PPP1R13B: variants seen among roughly 807,000 people sequenced by gnomAD.
The protein encoded by PPP1R13B is protein phosphatase 1 regulatory subunit 13B, also known as apoptosis-stimulating of p53 protein 1.
PPP1R13B carries 44 observed loss-of-function variants against 119.8 expected under a neutral mutation model. That is an observed-to-expected ratio of 0.37 (90% CI 0.29 to 0.47). PPP1R13B has a LOEUF of 0.47. Ranked by LOEUF, PPP1R13B falls within the 20% of genes least tolerant of loss-of-function variation. The probability of loss-of-function intolerance (pLI) is 0.99; values close to 1 mark genes in which losing one functional copy is unlikely to be tolerated. For synonymous variants in PPP1R13B, 542 were observed against 561.5 expected (o/e 0.97, Z 0.49); for missense variants, 1,227 against 1,413.5 (o/e 0.87, Z 2.12).
In PPP1R13B at chr14:103,741,843, G is replaced by C; in HGVS notation, c.1769C>G (p.Pro590Arg). 1.2e-6 allele frequency: 2 copies of C among 1,614,230 alleles called. No homozygotes were observed. Among genetic ancestry groups the C allele is most frequent in the South Asian group, 2.2e-5 (2 of 91,082 alleles). The change falls in exon 11 of 17, where the codon CCT becomes CGT. Residue 590 changes from proline to arginine, a missense_variant. By Grantham distance (103) the Pro-to-Arg change is moderately radical. Transcript: ENST00000202556. ...GTGTGCTGCCGGCTGGTAATTCTTA[G>C]GTGGTGTGGCTTGCTGGAGGTACAT... ...YSMYLQQATP[P>R]KNYQPAAHSA...
chr14:103,738,505 G>T lies in PPP1R13B; in HGVS notation c.2864+174C>A. The T allele has an allele frequency of 1.0e-6, 1 of 982,106 alleles. No individual in the cohort carries two copies. The highest frequency in any genetic ancestry group is 1.5e-6 in the Non-Finnish European group (1 of 676,872). The allele number at this position is 982,106 out of a possible 1,614,324, so 60.8% of individuals were successfully genotyped here. On this transcript the variant is annotated intron_variant, in intron 14 of 16. Transcript: ENST00000202556. The surrounding 1 kb of genome is among the most constrained non-coding windows in gnomAD (Gnocchi z 5.6). Reference sequence around the variant, plus strand: ...TTTAACAAAATCATCAAGAGAAAAGGCTGGAAAAAAAGGCAAGGAAACCCT... The same window carrying T: ...TTTAACAAAATCATCAAGAGAAAAGTCTGGAAAAAAAGGCAAGGAAACCCT...
In PPP1R13B at chr14:103,741,975, T is replaced by C; in HGVS notation, c.1637A>G (p.Glu546Gly). 3.1e-6 allele frequency: 5 copies of C among 1,614,268 alleles called. No homozygotes were observed. In the South Asian group the frequency reaches 5.5e-5, roughly 18 times the overall value. Residue 546 changes from glutamate (E) to glycine (G), a missense_variant, in exon 11 of 17, where the codon GAA (glutamate) becomes GGA (glycine). Physicochemically the swap from Glu to Gly is moderately conservative, Grantham distance 98 (BLOSUM62 -2). Coordinates refer to ENST00000202556, the MANE Select transcript of PPP1R13B (RefSeq NM_015316.3). ...CCTAATGGCCACTGTCAGTGGGAGTTCAGGCTTGCTGTCCCCAGCTGGAAA... is the reference window on the plus strand; with the variant it reads ...CCTAATGGCCACTGTCAGTGGGAGTCCAGGCTTGCTGTCCCCAGCTGGAAA... ...PAFPAGDSKP[E>G]LPLTVAIRPF...
At chr14:103,809,681 G>T (rs1182842473) in intron 1 of PPP1R13B, among the ~76,000 whole-genome samples, 1 of 151,844 alleles carries the variant, frequency 6.6e-6, no homozygotes, top group African/African-American at 2.4e-5. Flanking sequence ...AATTAGCCAG[G>T]CATGGTAGTA....
In PPP1R13B at chr14:103,740,550, C is replaced by G; in HGVS notation, c.1866G>C (p.Ser622=). 1 of 1,558,594 alleles carries G rather than the reference C, an allele frequency of 6.4e-7. No individual in the cohort carries two copies. The highest frequency in any genetic ancestry group is 1.9e-5 in the Admixed American group (1 of 52,316). The change falls in exon 12 of 17, where the codon TCG becomes TCC. Residue 622 remains serine (S), a synonymous_variant. Coordinates refer to ENST00000202556, the MANE Select transcript of PPP1R13B (RefSeq NM_015316.3). This position sits in a 1 kb window ranked among gnomAD's most constrained non-coding sequence, Gnocchi z 4.6. The part of the protein sequence containing the change: ...PVLPSGSTSP[S]PLPFLHGSLS... Reference sequence around the variant, plus strand: ...GTGACCCGTGAAGAAACGGCAGCGGCGATGGAGAGGTTGAACCCGAAGGTA... The same window carrying G: ...GTGACCCGTGAAGAAACGGCAGCGGGGATGGAGAGGTTGAACCCGAAGGTA...
At chr14:103,757,266 C>A (rs571900761) in intron 5 of PPP1R13B, among the ~76,000 whole-genome samples, 44 of 152,046 alleles carry the variant, frequency 2.9e-4, no homozygotes, top group African/African-American at 1.0e-3. Flanking sequence ...GTTTCCCAGG[C>A]TGGTCCTGAA....
chr14:103,747,564 T>C (rs1488996813), intron 8 of PPP1R13B, among the ~76,000 whole-genome samples: 2 of 152,168 alleles, frequency 1.3e-5, no homozygotes, highest in Non-Finnish European at 2.9e-5. Flanking sequence ...AGGTGGTGTT[T>C]GGTTACATGA....
chr14:103,812,794 T>C lies in PPP1R13B; in HGVS notation c.10-15276A>G, dbSNP rs1253831252. Among the ~76,000 whole-genome samples, 6 of 152,150 alleles carry C rather than the reference T, an allele frequency of 3.9e-5. No individual in the cohort carries two copies. In the East Asian group the frequency reaches 1.2e-3, roughly 29 times the overall value. On this transcript the variant is annotated intron_variant, in intron 1 of 16. Transcript: ENST00000202556. Reference sequence around the variant, plus strand: ...TGACATACAAATGGAAAAATAAACATATGAAAAACATGTTCCGTATCATAG... The same window carrying C: ...TGACATACAAATGGAAAAATAAACACATGAAAAACATGTTCCGTATCATAG...
intron 1 of PPP1R13B, among the ~76,000 whole-genome samples, chr14:103,828,543 C>T (rs1456444387): frequency 6.6e-6 from 1 of 152,142 alleles, no homozygotes; most frequent in East Asian, 1.9e-4. Flanking sequence ...TCTGCCCTCA[C>T]TAAACTTGGA....
intron 4 of PPP1R13B, among the ~76,000 whole-genome samples, chr14:103,776,185 G>GAA (rs2085185684): frequency 8.8e-5 from 10 of 114,062 alleles, no homozygotes; most frequent in East Asian, 2.4e-4. Flanking sequence ...AGGGAGGGAG[G>GAA]GAGGAAGGAA....
chr14:103,735,309 T>A, intron 16 of PPP1R13B, 114 bp from the exon 17 acceptor site: 1 of 973,952 alleles, frequency 1.0e-6, no homozygotes, highest in Non-Finnish European at 1.6e-6. Context: ...GCAGCACCCT[T>A]GTCCCTCAGG....
chr14:103,828,886 G>A (rs775376957), intron 1 of PPP1R13B, among the ~76,000 whole-genome samples: 1 of 152,162 alleles, frequency 6.6e-6, no homozygotes, highest in African/African-American at 2.4e-5. Flanking sequence ...CCAGCCATGC[G>A]TCTTCATTCT....
In PPP1R13B at chr14:103,742,735, C is replaced by T. The variant is rs12891833; in HGVS notation, c.1239G>A (p.Pro413=). The change falls in exon 10 of 17, where the codon CCG becomes CCA. Residue 413 remains proline (P), a synonymous_variant. Transcript: ENST00000202556. This position sits in a 1 kb window ranked among gnomAD's most constrained non-coding sequence, Gnocchi z 4.9. ...CCTGCTTGACAGACCCCTCCACGCT[C>T]GGATCCTTCCAGTCTGCACCGGCCA... The part of the protein sequence containing the change: ...VQVAGADWKD[P]SVEGSVKQGT... 1.1e-5 allele frequency: 17 copies of T among 1,614,004 alleles called. No homozygotes were observed. Among genetic ancestry groups the T allele is most frequent in the East Asian group, 2.2e-5 (1 of 44,900 alleles).
intron 1 of PPP1R13B, among the ~76,000 whole-genome samples, chr14:103,802,102 T>C (rs920909688): frequency 6.6e-6 from 1 of 152,218 alleles, no homozygotes; most frequent in Non-Finnish European, 1.5e-5. Flanking sequence ...AACTGGAATA[T>C]AGTTTTATTC....
intron 1 of PPP1R13B, among the ~76,000 whole-genome samples, chr14:103,810,665 G>A (rs1481401080): frequency 3.9e-5 from 6 of 151,952 alleles, no homozygotes; most frequent in South Asian, 4.2e-4. Flanking sequence ...CCAGCTACTC[G>A]GGAGGCTGAG....
chr14:103,740,377 T>C lies in PPP1R13B; in HGVS notation c.2039A>G (p.His680Arg), dbSNP rs948795109. The change falls in exon 12 of 17, where the codon CAT (histidine) becomes CGT (arginine). Residue 680 changes from histidine (H) to arginine (R), a missense_variant. By Grantham distance (29) the His-to-Arg change is conservative. Transcript: ENST00000202556. This position sits in a 1 kb window ranked among gnomAD's most constrained non-coding sequence, Gnocchi z 4.6. ...ATCACTCTGGTAGCGCAGTGGCGAA[T>C]GCACGATGGGCGTGAGCTTGGTGGG... ...LSPTKLTPIVHSPLRYQSDAD... is the reference protein window; with the variant it reads ...LSPTKLTPIVRSPLRYQSDAD... 3.8e-6 allele frequency: 6 copies of C among 1,568,572 alleles called. No homozygotes were observed. Among genetic ancestry groups the C allele is most frequent in the Non-Finnish European group, 5.2e-6 (6 of 1,154,814 alleles).
In PPP1R13B at chr14:103,808,260, T is replaced by C. The variant is rs1055927403; in HGVS notation, c.10-10742A>G. Among the ~76,000 whole-genome samples the C allele has an allele frequency of 2.0e-5, 3 of 150,372 alleles. No homozygotes were observed. The East Asian group carries it at 5.8e-4, about 29-fold the overall frequency. ...ATCTCAAAAAAAAAAAAAAAATTAG[T>C]GTGAAAGTCAGGAGCCTTGAACATA... On this transcript the variant is annotated intron_variant, in intron 1 of 16. Coordinates refer to ENST00000202556, the MANE Select transcript of PPP1R13B (RefSeq NM_015316.3).
intron 2 of PPP1R13B, among the ~76,000 whole-genome samples, chr14:103,791,552 C>CATGGTGAAAT (rs2085621009): frequency 1.3e-5 from 2 of 152,046 alleles, no homozygotes; most frequent in Non-Finnish European, 2.9e-5. Flanking sequence ...TGGTGAAATC[C>CATGGTGAAAT]CGTCTCTACT....
At position 103,740,413 on chromosome 14, in the gene PPP1R13B, C is replaced by T. The variant is rs202225100; in HGVS notation, c.2003G>A (p.Arg668Gln). The T allele has an allele frequency of 3.2e-6, 5 of 1,585,534 alleles. No individual in the cohort carries two copies. Among genetic ancestry groups the T allele is most frequent in the African/African-American group, 1.3e-5 (1 of 74,382 alleles). ...ADGSTVESLPRPLSPTKLTPI... is the reference protein window; with the variant it reads ...ADGSTVESLPQPLSPTKLTPI... ...CGTGAGCTTGGTGGGGCTGAGTGGC[C>T]GTGGCAGGCTCTCCACGGTGCTGCC... is the stretch of plus-strand genomic sequence containing the variant. Residue 668 changes from arginine to glutamine, a missense_variant, in exon 12 of 17, where the codon CGG becomes CAG. Physicochemically the swap from Arg to Gln is conservative, Grantham distance 43. Coordinates refer to ENST00000202556, the MANE Select transcript of PPP1R13B (RefSeq NM_015316.3). The surrounding 1 kb of genome is among the most constrained non-coding windows in gnomAD (Gnocchi z 4.6).
chr14:103,812,146 T>C lies in PPP1R13B; in HGVS notation c.10-14628A>G, dbSNP rs1266062776. The stretch of plus-strand genomic sequence containing the variant: ...TGTGTGGTTTTTTTTTTTTTTTTTT[T>C]CTAGACAGTCTCTGTCACCCAGGCT... On this transcript the variant is annotated intron_variant, in intron 1 of 16. Coordinates refer to ENST00000202556, the MANE Select transcript of PPP1R13B (RefSeq NM_015316.3). Among the ~76,000 whole-genome samples, 55 of 140,570 alleles carry C rather than the reference T, an allele frequency of 3.9e-4. 1 individual carries two copies. Among genetic ancestry groups the C allele is most frequent in the African/African-American group, 1.2e-3 (42 of 35,564 alleles). 92.2% of individuals were successfully genotyped at this position (140,570 alleles called of 152,430 possible).
Sources: allele counts gnomAD v4.1 joint callset (sites outside exome capture counted in the v4.1 genomes callset), GRCh38; gene constraint gnomAD v4.1.1; non-coding constraint Gnocchi (gnomAD v3.1); transcripts MANE v1.5; gene names NCBI Gene and HGNC (gene_info 2026-07-23, HGNC 2026-07-21).